ATP2B2: variants seen among roughly 807,000 people sequenced by gnomAD.
ATP2B2 encodes ATPase plasma membrane Ca2+ transporting 2, also known as plasma membrane calcium-transporting ATPase 2.
In ATP2B2, 15 loss-of-function variants were observed where a neutral mutation model predicts 120.0. That is an observed-to-expected ratio of 0.12 (90% CI 0.08 to 0.19). ATP2B2 has a LOEUF of 0.19. Ranked by LOEUF, ATP2B2 falls within the 10% of genes least tolerant of loss-of-function variation. The pLI is 1.00. For synonymous variants in ATP2B2, 694 were observed against 700.3 expected, an observed-to-expected ratio of 0.99 and a Z score of 0.14; for missense variants, 1,045 against 1,719.8, an observed-to-expected ratio of 0.61 and a Z score of 6.94.
Position 10,328,550 on chromosome 3 carries a change from AGGG to A in ATP2B2, c.*261_*263del. On this transcript the variant is annotated 3_prime_UTR_variant, in exon 23 of 23. Coordinates refer to ENST00000360273, the MANE Select transcript of ATP2B2 (RefSeq NM_001001331.4). ...GTCCATGTCTGGGTGGGAGCCAGGA[AGGG>A]CTTGTTTTGGGAAAACCGCTCACTC... is the stretch of plus-strand genomic sequence containing the variant. 1 of 423,360 alleles carries A rather than the reference AGGG, an allele frequency of 2.4e-6. No individual in the cohort carries two copies. Among genetic ancestry groups the A allele is most frequent in the Non-Finnish European group, 4.2e-6 (1 of 235,630 alleles). 26.2% of individuals were successfully genotyped at this position (423,360 alleles called of 1,614,324 possible).
rs146069247 is a variant in ATP2B2 at position 10,340,669 on chromosome 3, C to T, written c.2953G>A (p.Ala985Thr). ...KMFQIDSGRN[A>T]PLHSPPSEHY... Reference sequence around the variant, plus strand: ...TCTGAGGGTGGCGAATGCAGGGGCGCGTTCCTCCCGCTGTCGATCTGGAAC... The same window carrying T: ...TCTGAGGGTGGCGAATGCAGGGGCGTGTTCCTCCCGCTGTCGATCTGGAAC... The change falls in exon 20 of 23, where the codon GCG becomes ACG. Residue 985 changes from alanine to threonine, a missense_variant. Ala to Thr is a moderately conservative substitution (Grantham distance 58). Around this residue, in one of 11 missense-constraint regions of ATP2B2, gnomAD observed 211 missense variants for 385.1 expected, o/e 0.55. Coordinates refer to ENST00000360273, the MANE Select transcript of ATP2B2 (RefSeq NM_001001331.4). The surrounding 1 kb of genome is among the most constrained non-coding windows in gnomAD (Gnocchi z 5.0). 32 of 1,614,042 alleles carry T rather than the reference C, an allele frequency of 2.0e-5. No homozygotes were observed. In the Middle Eastern group the frequency reaches 1.3e-3, roughly 66 times the overall value.
At chr3:10,445,274 T>C (rs767502244) in intron 2 of ATP2B2, among the ~76,000 whole-genome samples, 26 of 152,352 alleles carry the variant, frequency 1.7e-4, no homozygotes, top group African/African-American at 4.3e-4. Flanking sequence ...GATAAGTTCA[T>C]TGAGGTTCAG....
chr3:10,663,883 C>T (rs759111651), intron 1 of ATP2B2, among the ~76,000 whole-genome samples: 2 of 152,126 alleles, frequency 1.3e-5, no homozygotes, highest in African/African-American at 2.4e-5. Flanking sequence ...AAGACAGGGT[C>T]AGGTCTCCTC....
chr3:10,423,664 A>C (rs576397362), intron 2 of ATP2B2, among the ~76,000 whole-genome samples: 3 of 152,236 alleles, frequency 2.0e-5, no homozygotes, highest in East Asian at 3.9e-4. Context: ...CGCAGACAAG[A>C]AGCACTTCCC....
chr3:10,394,065 C>G (rs1332542628), intron 5 of ATP2B2, among the ~76,000 whole-genome samples: 1 of 152,082 alleles, frequency 6.6e-6, no homozygotes, highest in Non-Finnish European at 1.5e-5. Context: ...GGGTGTAGGA[C>G]AGTAGGGGCT....
At chr3:10,360,177 T>C in intron 12 of ATP2B2, 54 bp from the exon 13 acceptor site, 1 of 1,530,270 alleles carries the variant, frequency 6.5e-7, no homozygotes, top group Non-Finnish European at 8.8e-7. Flanking sequence ...GTCGGGAGCC[T>C]CTGCCCTGGC....
intron 2 of ATP2B2, among the ~76,000 whole-genome samples, chr3:10,554,859 G>C (rs957711452): frequency 1.3e-5 from 2 of 152,220 alleles, no homozygotes; most frequent in African/African-American, 4.8e-5. Context: ...AACACAAACA[G>C]TGACAGGCAC....
intron 12 of ATP2B2, among the ~76,000 whole-genome samples, chr3:10,366,634 C>A (rs940908457): frequency 2.0e-5 from 3 of 152,178 alleles, no homozygotes; most frequent in African/African-American, 7.2e-5. Context: ...AAATGTAAGT[C>A]CGCTCGGGTG....
intron 2 of ATP2B2, among the ~76,000 whole-genome samples, chr3:10,603,448 T>G (rs1191567085): frequency 3.3e-5 from 5 of 152,230 alleles, no homozygotes; most frequent in Non-Finnish European, 5.9e-5. Flanking sequence ...ATTTATAATT[T>G]GCACACTCAT....
At chr3:10,373,193 C>T (rs1256283977) in intron 11 of ATP2B2, among the ~76,000 whole-genome samples, 1 of 152,184 alleles carries the variant, frequency 6.6e-6, no homozygotes, top group Non-Finnish European at 1.5e-5. Flanking sequence ...TACTTCTTGT[C>T]CGATGTTTTA....
chr3:10,518,410 T>C (rs1008686527), intron 3 of ATP2B2, among the ~76,000 whole-genome samples: 7 of 152,080 alleles, frequency 4.6e-5, no homozygotes, highest in Non-Finnish European at 1.0e-4. Flanking sequence ...CTTGATCCGA[T>C]CTGGACTACA....
intron 2 of ATP2B2, among the ~76,000 whole-genome samples, chr3:10,546,802 T>A (rs1290696833): frequency 1.3e-5 from 2 of 152,156 alleles, no homozygotes; most frequent in Non-Finnish European, 2.9e-5. Flanking sequence ...AGACCTCGTA[T>A]CTGAGAGCAC....
At position 10,536,442 on chromosome 3, in the gene ATP2B2, CCTGT is replaced by C. The variant is rs1435339641; in HGVS notation, c.-414-2313_-414-2310del. Among the ~76,000 whole-genome samples the C allele has an allele frequency of 2.7e-5, 4 of 150,662 alleles. No homozygotes were observed. In the South Asian group the frequency reaches 6.3e-4, roughly 24 times the overall value. ...TTCTCTTCTTCTTCTTCTTCCTCTTCCTGTCTTTCTTCCTCTCCTTCCTCCTTCC... is the reference window on the plus strand; with the variant it reads ...TTCTCTTCTTCTTCTTCTTCCTCTTCCTTTCTTCCTCTCCTTCCTCCTTCC... On this transcript the variant is annotated intron_variant, in intron 2 of 21. Coordinates refer to the ATP2B2 transcript ENST00000646379.
intron 1 of ATP2B2, among the ~76,000 whole-genome samples, chr3:10,496,016 A>C (rs946210441): frequency 2.0e-5 from 3 of 152,198 alleles, no homozygotes; most frequent in Non-Finnish European, 4.4e-5. Flanking sequence ...TACTTAGCTA[A>C]TACTGGTTTT....
intron 1 of ATP2B2, among the ~76,000 whole-genome samples, chr3:10,487,813 C>A (rs1440118787): frequency 2.0e-5 from 3 of 152,210 alleles, no homozygotes; most frequent in African/African-American, 7.2e-5. Context: ...GTACTCGCAT[C>A]CTGTCATGTC....
chr3:10,388,873 G>T (rs2061761606), intron 5 of ATP2B2, among the ~76,000 whole-genome samples: 1 of 152,140 alleles, frequency 6.6e-6, no homozygotes. Context: ...TTATGCAACT[G>T]CTTGCTAGAT....
chr3:10,589,406 G>A (rs1258894516), intron 2 of ATP2B2, among the ~76,000 whole-genome samples: 1 of 152,226 alleles, frequency 6.6e-6, no homozygotes, highest in Non-Finnish European at 1.5e-5. Context: ...ACCACCAGAG[G>A]AGACAGGGTA....
chr3:10,557,539 G>A (rs577784489), intron 2 of ATP2B2, among the ~76,000 whole-genome samples: 1 of 152,294 alleles, frequency 6.6e-6, no homozygotes, highest in East Asian at 1.9e-4. Context: ...AGACCCAGGA[G>A]CTGGGGTTCC....
At chr3:10,460,690 G>T (rs893761477) in intron 1 of ATP2B2, among the ~76,000 whole-genome samples, 2 of 152,162 alleles carry the variant, frequency 1.3e-5, no homozygotes, top group African/African-American at 4.8e-5. Flanking sequence ...CTGTATAAAA[G>T]GTGACTCAGG....
Sources: gnomAD v4.1 joint callset for allele counts (sites outside exome capture counted in the v4.1 genomes callset) on GRCh38, gnomAD v4.1.1 for gene constraint, gnomAD v4.1.1 regional missense constraint, Gnocchi (gnomAD v3.1) non-coding constraint, MANE v1.5 for transcripts, NCBI Gene and HGNC (gene_info 2026-07-23, HGNC 2026-07-21) for gene names.